The following CALN1 variants were observed in gnomAD, a reference collection of about 807,000 sequenced individuals.
The protein encoded by CALN1 is calneuron 1, also known as calcium-binding protein 8.
A neutral mutation model predicts 30.6 loss-of-function variants in CALN1; 17 were observed. The ratio of observed to expected loss-of-function variants is 0.56; its 90% CI spans 0.38 to 0.83. The LOEUF (loss-of-function observed/expected upper bound fraction) is 0.83. Ranked by LOEUF, CALN1 falls within the 40% of genes least tolerant of loss-of-function variation. The pLI, the probability that CALN1 is intolerant of heterozygous loss-of-function variation, is 0.00. For synonymous variants in CALN1, 156 were observed against 131.4 expected, an observed-to-expected ratio of 1.19 and a Z score of -1.28; for missense variants, 291 against 354.9, an observed-to-expected ratio of 0.82 and a Z score of 1.45.
chr7:72,035,126 T>C (rs1413551685), intron 4 of CALN1, among the ~76,000 whole-genome samples: 2 of 152,094 alleles, frequency 1.3e-5, no homozygotes, highest in Non-Finnish European at 2.9e-5. Flanking sequence ...ATACATAATA[T>C]AAAATGTACC....
intron 4 of CALN1, among the ~76,000 whole-genome samples, chr7:72,033,665 C>A (rs923190963): frequency 6.6e-6 from 1 of 152,144 alleles, no homozygotes; most frequent in South Asian, 2.1e-4. Flanking sequence ...AGGTGACCGA[C>A]CACCCTTCAT....
chr7:72,017,362 C>G (rs1800454866), intron 5 of CALN1, among the ~76,000 whole-genome samples: 1 of 152,052 alleles, frequency 6.6e-6, no homozygotes, highest in South Asian at 2.1e-4. Context: ...GAGGATTGGA[C>G]AGCAGCAGAC....
At chr7:72,171,431 C>G (rs1788952886) in intron 3 of CALN1, among the ~76,000 whole-genome samples, 2 of 152,086 alleles carry the variant, frequency 1.3e-5, no homozygotes, top group Admixed American at 1.3e-4. Flanking sequence ...TGAGACCAGC[C>G]TGGCCAACAT....
At chr7:72,151,151 T>C (rs1394793908) in intron 3 of CALN1, among the ~76,000 whole-genome samples, 1 of 152,150 alleles carries the variant, frequency 6.6e-6, no homozygotes, top group Non-Finnish European at 1.5e-5. Flanking sequence ...CAGAAGTCTA[T>C]TGTCTCACTG....
intron 5 of CALN1, among the ~76,000 whole-genome samples, chr7:72,018,179 C>G (rs1037854290): frequency 3.3e-5 from 5 of 152,218 alleles, no homozygotes; most frequent in African/African-American, 1.2e-4. Context: ...TTGGGGACAT[C>G]TACTGTATCA....
chr7:71,879,774 C>T (rs1316238764), intron 5 of CALN1, among the ~76,000 whole-genome samples: 1 of 152,174 alleles, frequency 6.6e-6, no homozygotes, highest in Non-Finnish European at 1.5e-5. Context: ...CTCCAGGTAC[C>T]ACTCTGATGC....
intron 5 of CALN1, among the ~76,000 whole-genome samples, chr7:71,957,463 T>TCAAA (rs1414701748): frequency 6.6e-6 from 1 of 152,042 alleles, no homozygotes; most frequent in Admixed American, 6.6e-5. Flanking sequence ...CTGCAAAAAA[T>TCAAA]CAAACCCCAA....
intron 5 of CALN1, among the ~76,000 whole-genome samples, chr7:71,991,593 GA>G (rs966809096): frequency 3.3e-5 from 5 of 151,088 alleles, no homozygotes; most frequent in Non-Finnish European, 4.4e-5. Flanking sequence ...AAACAAATAA[GA>G]AAAAAAAATC....
At chr7:72,450,541 C>T (rs1376979038), upstream of CALN1, among the ~76,000 whole-genome samples, 1 of 152,202 alleles carries the variant, frequency 6.6e-6, no homozygotes, top group Non-Finnish European at 1.5e-5. Context: ...ATTCCTACTA[C>T]GTCCTCCTCA....
rs962184202 is a variant in CALN1 at position 72,316,359 on chromosome 7, C to A, written c.120-37549G>T. Reference sequence around the variant, plus strand: ...TTGCCATTGAAAGTAACGGCAAAAACCGCAATTACTTTTGCACCAACTTAA... The same window carrying A: ...TTGCCATTGAAAGTAACGGCAAAAAACGCAATTACTTTTGCACCAACTTAA... On this transcript the variant is annotated intron_variant, in intron 2 of 6. Transcript: ENST00000395275. Among the ~76,000 whole-genome samples the A allele has an allele frequency of 2.9e-4, 42 of 144,026 alleles. 1 individual carries two copies. Among genetic ancestry groups the A allele is most frequent in the Non-Finnish European group, 9.2e-5 (6 of 65,478 alleles). The allele number at this position is 144,026 out of a possible 152,430, so 94.5% of individuals were successfully genotyped here. A position where few individuals can be genotyped will look rare whatever the true frequency, so the allele number is the denominator to read the frequency against.
intron 3 of CALN1, among the ~76,000 whole-genome samples, chr7:72,253,447 A>C (rs954763469): frequency 1.3e-5 from 2 of 152,236 alleles, no homozygotes; most frequent in Non-Finnish European, 2.9e-5. Flanking sequence ...AAAGGAAAGC[A>C]GTTTACTTGA....
At chr7:72,448,712 TCTC>T (rs1252926927), upstream of CALN1, among the ~76,000 whole-genome samples, 4 of 151,994 alleles carry the variant, frequency 2.6e-5, no homozygotes, top group East Asian at 7.7e-4. Context: ...TTCAAGCAGT[TCTC>T]CTGCCTCGGC....
At chr7:71,799,438 T>G (rs563071717) in intron 6 of CALN1, among the ~76,000 whole-genome samples, 3 of 137,620 alleles carry the variant, frequency 2.2e-5, no homozygotes, top group African/African-American at 9.0e-5. Flanking sequence ...TATTTATTTA[T>G]TTATTTATTT....
At chr7:72,287,547 T>C (rs904853627) in intron 2 of CALN1, among the ~76,000 whole-genome samples, 22 of 145,976 alleles carry the variant, frequency 1.5e-4, no homozygotes, top group Admixed American at 3.6e-4. Flanking sequence ...CCTGGGTTCA[T>C]GCCATTCTCC....
chr7:72,359,410 A>T (rs1388613662), intron 2 of CALN1, among the ~76,000 whole-genome samples: 1 of 152,158 alleles, frequency 6.6e-6, no homozygotes, highest in African/African-American at 2.4e-5. Context: ...TTCCAGAGAT[A>T]TTTTACATAT....
chr7:72,359,960 G>A lies in CALN1; in HGVS notation c.119+43291C>T, dbSNP rs1282085982. 6.5e-5 allele frequency among the ~76,000 whole-genome samples: 5 copies of A among 76,800 alleles called. No individual in the cohort carries two copies. In the South Asian group the frequency reaches 1.7e-3, roughly 26 times the overall value. The allele number at this position is 76,800 out of a possible 152,430, so 50.4% of individuals were successfully genotyped here. A position where few individuals can be genotyped will look rare whatever the true frequency, so the allele number is the denominator to read the frequency against. On this transcript the variant is annotated intron_variant, in intron 2 of 6. Transcript: ENST00000395275. ...CCACTGCACTCCAGCTTGGGTGACA[G>A]AGTGAGACTCCATCTCAAAAAAAAA...
At chr7:72,014,401 T>A (rs1800264880) in intron 5 of CALN1, among the ~76,000 whole-genome samples, 1 of 151,966 alleles carries the variant, frequency 6.6e-6, no homozygotes, top group African/African-American at 2.4e-5. Flanking sequence ...TTGCCTATTT[T>A]ATCTTGCTCC....
At chr7:71,801,428 G>GTATGTATGTATGTATGTATC (rs1461292230) in intron 6 of CALN1, among the ~76,000 whole-genome samples, 4 of 87,696 alleles carry the variant, frequency 4.6e-5, no homozygotes, top group Admixed American at 1.4e-4. Context: ...ATGTATGTAT[G>GTATGTATGTATGTATGTATC]TATCTATCTA....
intron 2 of CALN1, among the ~76,000 whole-genome samples, chr7:72,387,258 A>AGGGGAGGGAGGG (rs1805274811): frequency 3.8e-5 from 1 of 26,226 alleles, no homozygotes; most frequent in Non-Finnish European, 7.0e-5. Context: ...GGGAGGGAGG[A>AGGGGAGGGAGGG]AGGGAGGAAG....
Sources: allele counts gnomAD v4.1 joint callset (sites outside exome capture counted in the v4.1 genomes callset), GRCh38; gene constraint gnomAD v4.1.1; transcripts MANE v1.5; gene names NCBI Gene and HGNC (gene_info 2026-07-23, HGNC 2026-07-21).